Variants in PHEX observed in about 807,000 individuals in gnomAD.
The protein encoded by PHEX is phosphate-regulating neutral endopeptidase PHEX.
Under a neutral mutation model 68.0 loss-of-function variants are expected in PHEX, and 16 were observed. That is an observed-to-expected ratio of 0.24 (90% CI 0.16 to 0.36). PHEX has a LOEUF of 0.36. PHEX is among the 10% of genes least tolerant of loss of function. The pLI is 1.00. For synonymous variants in PHEX, 208 were observed against 205.1 expected (o/e 1.01, Z -0.12); for missense variants, 480 against 575.5 (o/e 0.83, Z 1.70).
intron 3 of PHEX, among the ~76,000 whole-genome samples, chrX:22,059,663 T>C (rs946491658): frequency 1.7e-4 from 19 of 111,995 alleles, no homozygotes; most frequent in African/African-American, 5.8e-4. Flanking sequence ...TAAGGATTGC[T>C]AGAGCAAGAT....
At position 22,111,698 on chromosome X, in the gene PHEX, G is replaced by T. The variant is rs750137659; in HGVS notation, c.1173+138G>T. On this transcript the variant is annotated intron_variant, in intron 10 of 21. Transcript: ENST00000379374. ...TTGTAGCCCAAGCTCTATTGTTTTT[G>T]TGTGTGTGTGTGTGCCTTATTTATT... The T allele has an allele frequency of 1.5e-3, 610 of 420,637 alleles. 4 individuals carry two copies. The highest frequency in any genetic ancestry group is 0.014 in the African/African-American group (547 of 39,580). 34.7% of individuals were successfully genotyped at this position (420,637 alleles called of 1,213,427 possible).
chrX:22,148,418 C>T (rs1412485893), intron 12 of PHEX, among the ~76,000 whole-genome samples: 2 of 111,723 alleles, frequency 1.8e-5, no homozygotes, highest in African/African-American at 6.5e-5. Flanking sequence ...TGTATGTATA[C>T]ATTATAGAAA....
At chrX:22,084,344 A>T (rs901608407) in intron 5 of PHEX, among the ~76,000 whole-genome samples, 5 of 110,910 alleles carry the variant, frequency 4.5e-5, no homozygotes, top group African/African-American at 1.6e-4. Context: ...GATTAATCCC[A>T]CTCAATCATA....
rs564347912 is a variant in PHEX at position 22,098,756 on chromosome X, C to T, written c.934-250C>T. 1.5e-4 allele frequency among the ~76,000 whole-genome samples: 13 copies of T among 89,452 alleles called. No individual in the cohort carries two copies. The South Asian group carries it at 4.1e-3, about 28-fold the overall frequency. The allele number at this position is 89,452 out of a possible 115,157, so 77.7% of individuals were successfully genotyped here. A position where few individuals can be genotyped will look rare whatever the true frequency, so the allele number is the denominator to read the frequency against. On this transcript the variant is annotated intron_variant, in intron 8 of 21. Coordinates refer to ENST00000379374, the MANE Select transcript of PHEX (RefSeq NM_000444.6). ...GAGGTAACAGTGAGCCAAGATCATGCCACTGCACTCCAGCCTGGGTGATAG... is the reference window on the plus strand; with the variant it reads ...GAGGTAACAGTGAGCCAAGATCATGTCACTGCACTCCAGCCTGGGTGATAG...
intron 11 of PHEX, among the ~76,000 whole-genome samples, chrX:22,118,587 G>A (rs777466992): frequency 9.1e-5 from 10 of 110,417 alleles, no homozygotes; most frequent in Admixed American, 1.9e-4. Context: ...AGAGACTCCC[G>A]CCCCACTTCT....
chrX:22,245,821 CA>C (rs1356682282), intron 21 of PHEX, among the ~76,000 whole-genome samples: 2 of 111,418 alleles, frequency 1.8e-5, no homozygotes, highest in Admixed American at 9.5e-5. Context: ...CTTTTTTGTC[CA>C]AAAAAATAGC....
chrX:22,048,623 G>A (rs1927663126), intron 3 of PHEX, among the ~76,000 whole-genome samples: 1 of 111,770 alleles, frequency 8.9e-6, no homozygotes. Context: ...AGTGGTTAAC[G>A]ATAACTTAAA....
chrX:22,097,689 G>A (rs1930202106), intron 8 of PHEX: 1 of 669,228 alleles, frequency 1.5e-6, no homozygotes. Context: ...TTTTAGAGTA[G>A]CCAATCTAAA....
At chrX:22,104,518 G>A (rs958609833) in intron 9 of PHEX, among the ~76,000 whole-genome samples, 1 of 111,761 alleles carries the variant, frequency 8.9e-6, no homozygotes, top group Admixed American at 9.5e-5. Flanking sequence ...TACATGTTCG[G>A]TGATCTCATG....
intron 12 of PHEX, among the ~76,000 whole-genome samples, chrX:22,137,726 C>T (rs1326091318): frequency 9.0e-6 from 1 of 111,507 alleles, no homozygotes; most frequent in Non-Finnish European, 1.9e-5. Flanking sequence ...GGCTCAGTGC[C>T]TTGTGTTTTA....
At chrX:22,236,105 G>A (rs1341487392) in intron 20 of PHEX, among the ~76,000 whole-genome samples, 2 of 111,187 alleles carry the variant, frequency 1.8e-5, no homozygotes, top group Non-Finnish European at 3.8e-5. Flanking sequence ...CTGTCTCTTT[G>A]GCTTTGCTTC....
At chrX:22,091,417 T>C (rs1399492121) in intron 6 of PHEX, among the ~76,000 whole-genome samples, 1 of 112,048 alleles carries the variant, frequency 8.9e-6, no homozygotes, top group Non-Finnish European at 1.9e-5. Context: ...CTTCAAAATA[T>C]CTCTTCCATC....
intron 1 of PHEX, among the ~76,000 whole-genome samples, chrX:22,036,036 A>ACG (rs1491432972): frequency 6.8e-5 from 3 of 44,039 alleles, no homozygotes; most frequent in African/African-American, 2.7e-4. Flanking sequence ...ACACACGTAC[A>ACG]TATATATATA....
At chrX:22,082,574 ATTTG>A (rs1333172676) in intron 5 of PHEX, among the ~76,000 whole-genome samples, 1 of 112,231 alleles carries the variant, frequency 8.9e-6, no homozygotes, top group East Asian at 2.8e-4. Flanking sequence ...TTGCTTATAA[ATTTG>A]TTTATGTTCC....
intron 9 of PHEX, among the ~76,000 whole-genome samples, chrX:22,100,494 T>C (rs1306309235): frequency 8.9e-6 from 1 of 111,995 alleles, no homozygotes; most frequent in Non-Finnish European, 1.9e-5. Context: ...TTGGTGGTAA[T>C]TTCCATTGAA....
At chrX:22,104,764 G>C (rs1192210978) in intron 9 of PHEX, among the ~76,000 whole-genome samples, 2 of 111,125 alleles carry the variant, frequency 1.8e-5, no homozygotes, top group Admixed American at 9.6e-5. Context: ...AAGAGTGGGA[G>C]GAGGAGAGGC....
intron 3 of PHEX, among the ~76,000 whole-genome samples, chrX:22,048,942 C>A (rs1189075554): frequency 2.7e-5 from 3 of 111,426 alleles, no homozygotes; most frequent in African/African-American, 9.8e-5. Context: ...ATGTGTGTGT[C>A]CATATGCATA....
intron 9 of PHEX, among the ~76,000 whole-genome samples, chrX:22,110,689 A>T (rs907688023): frequency 5.6e-5 from 6 of 108,060 alleles, no homozygotes; most frequent in Admixed American, 2.0e-4. Context: ...ATTCTCAGCA[A>T]ACTATCACAA....
chrX:22,150,058 T>A (rs1255599850), intron 12 of PHEX, among the ~76,000 whole-genome samples: 1 of 111,822 alleles, frequency 8.9e-6, no homozygotes, highest in African/African-American at 3.3e-5. Context: ...GGATGCCATG[T>A]GACCTTTTGA....
Sources: allele counts gnomAD v4.1 joint callset (sites outside exome capture counted in the v4.1 genomes callset), GRCh38; gene constraint gnomAD v4.1.1; transcripts MANE v1.5; gene names NCBI Gene and HGNC (gene_info 2026-07-23, HGNC 2026-07-21).